LOXL2: variants seen among roughly 807,000 people sequenced by gnomAD.
The protein encoded by LOXL2 is lysyl oxidase homolog 2.
A neutral mutation model predicts 93.0 loss-of-function variants in LOXL2; 70 were observed. The ratio of observed to expected loss-of-function variants is 0.75; its 90% CI spans 0.62 to 0.92. LOXL2 has a LOEUF of 0.92. Ranked by LOEUF, LOXL2 falls within the 40% of genes least tolerant of loss-of-function variation. The pLI is 0.00. For missense variants in LOXL2, 973 were observed against 1,054.9 expected, an observed-to-expected ratio of 0.92 and a Z score of 1.08; for synonymous variants, 438 against 413.2, an observed-to-expected ratio of 1.06 and a Z score of -0.73.
chr8:23,384,905 C>G (rs1241090386), intron 1 of LOXL2, among the ~76,000 whole-genome samples: 3 of 152,156 alleles, frequency 2.0e-5, no homozygotes, highest in Admixed American at 1.3e-4. Context: ...AACTCCGTCT[C>G]AAGAAAACAA....
At chr8:23,385,857 G>A in intron 1 of LOXL2, 1 of 713,194 alleles carries the variant, frequency 1.4e-6, no homozygotes, top group Non-Finnish European at 2.6e-6. Context: ...TTAATGAGAT[G>A]TTTTGCGTTC....
At chr8:23,364,973 G>A (rs1249848246) in intron 2 of LOXL2, 2 of 152,288 alleles carry the variant, frequency 1.3e-5, no homozygotes, top group South Asian at 4.1e-4. Flanking sequence ...ACAGGTGAAG[G>A]AGAGCAACCA....
At chr8:23,351,501 T>A (rs914863083) in intron 3 of LOXL2, among the ~76,000 whole-genome samples, 1 of 152,256 alleles carries the variant, frequency 6.6e-6, no homozygotes, top group Admixed American at 6.5e-5. Context: ...TTTGAGTACA[T>A]CCTGTTCATT....
chr8:23,360,369 T>C (rs1402901989), intron 2 of LOXL2, 104 bp from the exon 3 acceptor site: 1 of 831,424 alleles, frequency 1.2e-6, no homozygotes, highest in African/African-American at 1.7e-5. Flanking sequence ...TTCTCTAATT[T>C]TGGCAGCTGT....
chr8:23,356,598 C>T (rs1563200727), intron 3 of LOXL2, among the ~76,000 whole-genome samples: 2 of 152,186 alleles, frequency 1.3e-5, no homozygotes, highest in Non-Finnish European at 2.9e-5. Flanking sequence ...TCATGACCTA[C>T]TTTCAGCGGC....
Position 23,298,706 on chromosome 8 carries a change from C to T in LOXL2, c.2245+130G>A. On this transcript the variant is annotated intron_variant, in intron 13 of 13. Coordinates refer to ENST00000389131, the MANE Select transcript of LOXL2 (RefSeq NM_002318.3). Reference sequence around the variant, plus strand: ...GGCCTGTGTGTCTGTGGCTTCTGTCCTGAATGTGGAAATGTGATGCTGGCT... The same window carrying T: ...GGCCTGTGTGTCTGTGGCTTCTGTCTTGAATGTGGAAATGTGATGCTGGCT... 6.3e-6 allele frequency: 4 copies of T among 631,030 alleles called. No homozygotes were observed. In the East Asian group the frequency reaches 8.2e-5, roughly 13 times the overall value. 39.1% of individuals were successfully genotyped at this position (631,030 alleles called of 1,614,324 possible). A position where few individuals can be genotyped will look rare whatever the true frequency, so the allele number is the denominator to read the frequency against.
intron 3 of LOXL2, among the ~76,000 whole-genome samples, chr8:23,345,371 C>T (rs534364485): frequency 7.2e-4 from 109 of 152,322 alleles, no homozygotes; most frequent in African/African-American, 2.3e-3. Flanking sequence ...CCCCTTCAAC[C>T]AGCTGAAGGG....
chr8:23,332,945 T>A (rs1803729359), intron 5 of LOXL2, among the ~76,000 whole-genome samples: 1 of 149,820 alleles, frequency 6.7e-6, no homozygotes, highest in African/African-American at 2.5e-5. Flanking sequence ...ATAAGTATAA[T>A]GTGACTAATG....
At chr8:23,383,220 G>A (rs1804704628) in intron 1 of LOXL2, among the ~76,000 whole-genome samples, 1 of 152,118 alleles carries the variant, frequency 6.6e-6, no homozygotes. Flanking sequence ...GTGATGTTGG[G>A]TGTCTTGGAA....
At chr8:23,402,730 A>G (rs1452294060) in intron 1 of LOXL2, 4 of 151,702 alleles carry the variant, frequency 2.6e-5, no homozygotes, top group Non-Finnish European at 5.9e-5. Context: ...CAGTCCCCAC[A>G]TTGACTAACT....
intron 6 of LOXL2, among the ~76,000 whole-genome samples, chr8:23,324,863 G>C (rs563089606): frequency 6.6e-6 from 1 of 152,228 alleles, no homozygotes; most frequent in Non-Finnish European, 1.5e-5. Flanking sequence ...CACGGGTTCT[G>C]CATATTGTAA....
intron 5 of LOXL2, among the ~76,000 whole-genome samples, chr8:23,330,845 G>A (rs565603078): frequency 6.6e-6 from 1 of 152,028 alleles, no homozygotes; most frequent in South Asian, 2.1e-4. Flanking sequence ...GGAGGAGAGG[G>A]ACATGGCGCT....
At chr8:23,350,176 G>A (rs1804068437) in intron 3 of LOXL2, among the ~76,000 whole-genome samples, 1 of 152,130 alleles carries the variant, frequency 6.6e-6, no homozygotes, top group East Asian at 1.9e-4. Flanking sequence ...AGATGGCTTG[G>A]CTAAGTGTGT....
At chr8:23,379,484 T>G (rs1431911631) in intron 1 of LOXL2, among the ~76,000 whole-genome samples, 1 of 152,214 alleles carries the variant, frequency 6.6e-6, no homozygotes, top group Non-Finnish European at 1.5e-5. Flanking sequence ...GACATTTATG[T>G]CTGCTGAGGT....
At chr8:23,300,959 C>T (rs562704976) in intron 12 of LOXL2, among the ~76,000 whole-genome samples, 21 of 152,344 alleles carry the variant, frequency 1.4e-4, no homozygotes, top group African/African-American at 4.8e-4. Context: ...GTCTGTGGTT[C>T]TGGGCTTGTG....
intron 1 of LOXL2, among the ~76,000 whole-genome samples, chr8:23,395,593 C>A (rs1156586230): frequency 6.6e-6 from 1 of 152,090 alleles, no homozygotes; most frequent in South Asian, 2.1e-4. Context: ...TCAATAAAGT[C>A]TTTTAAAAAA....
At chr8:23,332,596 C>T (rs1803711898) in intron 5 of LOXL2, among the ~76,000 whole-genome samples, 1 of 109,874 alleles carries the variant, frequency 9.1e-6, no homozygotes. Context: ...CCCCCAGACA[C>T]CCCTCACAAT....
At chr8:23,360,038 T>A (rs1437433506) in intron 3 of LOXL2, 52 bp downstream of exon 3, 33 of 1,536,926 alleles carry the variant, frequency 2.1e-5, no homozygotes, top group Non-Finnish European at 3.0e-5. Context: ...GCGAGTTGCA[T>A]GGAAGAGGAA....
intron 3 of LOXL2, 109 bp from the exon 4 acceptor site, chr8:23,341,312 C>G: frequency 1.1e-6 from 1 of 881,082 alleles, no homozygotes; most frequent in South Asian, 1.4e-5. Flanking sequence ...TGCCGCGGGC[C>G]TGCCTGTGCC....
Sources: allele counts gnomAD v4.1 joint callset (sites outside exome capture counted in the v4.1 genomes callset), GRCh38; gene constraint gnomAD v4.1.1; transcripts MANE v1.5; gene names NCBI Gene and HGNC (gene_info 2026-07-23, HGNC 2026-07-21).